The following AGPS variants were observed in gnomAD, a reference collection of about 807,000 sequenced individuals.
AGPS encodes the protein alkyldihydroxyacetonephosphate synthase, peroxisomal.
In AGPS, 26 loss-of-function variants were observed where a neutral mutation model predicts 90.7. That is an observed-to-expected ratio of 0.29 (90% CI 0.21 to 0.40). AGPS has a LOEUF of 0.40. AGPS is among the 10% of genes least tolerant of loss of function. The pLI, the probability that AGPS is intolerant of heterozygous loss-of-function variation, is 1.00. For missense variants in AGPS, 540 were observed against 816.1 expected, an observed-to-expected ratio of 0.66 and a Z score of 4.12; for synonymous variants, 294 against 285.3, an observed-to-expected ratio of 1.03 and a Z score of -0.31.
chr2:177,435,013 A>AGG (rs1686360228), intron 3 of AGPS, among the ~76,000 whole-genome samples: 1 of 146,190 alleles, frequency 6.8e-6, no homozygotes, highest in Admixed American at 6.8e-5. Context: ...ATATATATAT[A>AGG]TATATATATA....
In AGPS at chr2:177,482,082, G is replaced by A; in HGVS notation, c.1129G>A (p.Ala377Thr). The A allele has an allele frequency of 5.6e-6, 9 of 1,602,634 alleles. No individual in the cohort carries two copies. Among genetic ancestry groups the A allele is most frequent in the Non-Finnish European group, 7.7e-6 (9 of 1,172,574 alleles). ...SEGTLGVITE[A>T]TIKIRPVPEY... The stretch of plus-strand genomic sequence containing the variant: ...AGGAACTCTTGGTGTAATAACAGAA[G>A]CTACAATAAAAATCAGACCAGTCCC... The change falls in exon 11 of 20, where the codon GCT (alanine) becomes ACT (threonine). Residue 377 changes from alanine (A) to threonine (T), a missense_variant. This residue lies in a region of AGPS where 405 missense variants were observed against 692.1 expected (regional missense o/e 0.59). Coordinates refer to ENST00000264167, the MANE Select transcript of AGPS (RefSeq NM_003659.4).
At chr2:177,468,898 T>C (rs758713537) in intron 10 of AGPS, among the ~76,000 whole-genome samples, 7 of 152,100 alleles carry the variant, frequency 4.6e-5, no homozygotes, top group Non-Finnish European at 1.0e-4. Flanking sequence ...TCTTATTGTC[T>C]TGTCTTTCTG....
In AGPS at chr2:177,543,404, G is replaced by T. The variant is rs997215812; in HGVS notation, c.*5209G>T. On this transcript the variant is annotated 3_prime_UTR_variant, in exon 20 of 20. Transcript: ENST00000264167. ...ATTCTTGTCCATTTTTGCTAAGCCT[G>T]TGAAATACTTTGGCTCTGATACAAC... 1 of 152,194 alleles carries T rather than the reference G, an allele frequency of 6.6e-6. No homozygotes were observed. The highest frequency in any genetic ancestry group is 1.5e-5 in the Non-Finnish European group (1 of 68,028). 9.4% of individuals were successfully genotyped at this position (152,194 alleles called of 1,614,324 possible).
In AGPS at chr2:177,493,404, A is replaced by G. The variant is rs188669599; in HGVS notation, c.1285+205A>G. ...GTGAAAGAAGACTGCACTGGATACC[A>G]TGGGCTGCAAATGAAGGAATTGATT... On this transcript the variant is annotated intron_variant, in intron 12 of 19. Coordinates refer to ENST00000264167, the MANE Select transcript of AGPS (RefSeq NM_003659.4). 4.3e-3 allele frequency among the ~76,000 whole-genome samples: 660 copies of G among 152,350 alleles called. 1 individual carries two copies. Among genetic ancestry groups the G allele is most frequent in the Non-Finnish European group, 7.9e-3 (537 of 68,030 alleles).
At chr2:177,536,538 A>G (rs2079185925) in intron 19 of AGPS, among the ~76,000 whole-genome samples, 1 of 152,144 alleles carries the variant, frequency 6.6e-6, no homozygotes. Flanking sequence ...TGCAAGTGAA[A>G]AAACAGGCTG....
At chr2:177,484,993 C>T (rs1407779157) in intron 11 of AGPS, among the ~76,000 whole-genome samples, 1 of 152,082 alleles carries the variant, frequency 6.6e-6, no homozygotes, top group Non-Finnish European at 1.5e-5. Context: ...GTCTTGAACT[C>T]CTGGACTCAA....
At chr2:177,486,149 A>G (rs1484048096) in intron 11 of AGPS, among the ~76,000 whole-genome samples, 1 of 152,228 alleles carries the variant, frequency 6.6e-6, no homozygotes, top group Non-Finnish European at 1.5e-5. Flanking sequence ...AAAAGTCCAG[A>G]TAGATAATAT....
chr2:177,419,376 G>A (rs1205511214), intron 1 of AGPS, among the ~76,000 whole-genome samples: 2 of 151,916 alleles, frequency 1.3e-5, no homozygotes, highest in Admixed American at 6.6e-5. Flanking sequence ...AAACTGCATA[G>A]TTGAATTTGT....
At chr2:177,464,347 A>T (rs1351209119) in intron 9 of AGPS, among the ~76,000 whole-genome samples, 4 of 152,180 alleles carry the variant, frequency 2.6e-5, no homozygotes, top group African/African-American at 9.7e-5. Flanking sequence ...TCTAAAGTTG[A>T]TATTCTTTTA....
chr2:177,448,046 T>C (rs756247561), intron 8 of AGPS, among the ~76,000 whole-genome samples: 9 of 152,198 alleles, frequency 5.9e-5, no homozygotes, highest in Non-Finnish European at 1.2e-4. Flanking sequence ...TGGCTACTTT[T>C]ATTGGTTAAT....
chr2:177,484,991 C>T (rs920249685), intron 11 of AGPS, among the ~76,000 whole-genome samples: 3 of 152,130 alleles, frequency 2.0e-5, no homozygotes, highest in Non-Finnish European at 4.4e-5. Flanking sequence ...TGGTCTTGAA[C>T]TCCTGGACTC....
intron 10 of AGPS, among the ~76,000 whole-genome samples, chr2:177,478,530 C>G (rs1050814072): frequency 1.3e-5 from 2 of 152,024 alleles, no homozygotes; most frequent in Non-Finnish European, 1.5e-5. Context: ...AGGCACCATC[C>G]ATTGTTTTCT....
intron 19 of AGPS, among the ~76,000 whole-genome samples, chr2:177,524,961 T>G (rs2079069335): frequency 6.6e-6 from 1 of 152,224 alleles, no homozygotes; most frequent in Non-Finnish European, 1.5e-5. Context: ...ATTGTGTCAA[T>G]TTAATCTTTT....
Position 177,497,696 on chromosome 2 carries a change from T to C in AGPS, c.1293T>C (p.Ala431=), listed in dbSNP as rs748992631. The change falls in exon 13 of 20, where the codon GCT becomes GCC. Residue 431 remains alanine (A), a synonymous_variant. Transcript: ENST00000264167. Reference sequence around the variant, plus strand: ...ACTTTTTTCTCTTCTTAGGTCATGCTCTTAAACCTCAGGTTTCCTCTATTT... The same window carrying C: ...ACTTTTTTCTCTTCTTAGGTCATGCCCTTAAACCTCAGGTTTCCTCTATTT... The part of the protein sequence containing the change: ...MDNKQFQFGH[A]LKPQVSSIFT... 1.3e-6 allele frequency: 2 copies of C among 1,575,166 alleles called. No individual in the cohort carries two copies. The highest frequency in any genetic ancestry group is 1.7e-6 in the Non-Finnish European group (2 of 1,152,846).
intron 19 of AGPS, among the ~76,000 whole-genome samples, chr2:177,534,827 G>A (rs565225189): frequency 0.04 from 1,698 of 42,830 alleles, 21 homozygotes; most frequent in Non-Finnish European, 0.062. Context: ...TTGAACTCCT[G>A]GGCTTAAATG....
chr2:177,461,767 T>TGGA, intron 8 of AGPS, 126 bp from the exon 9 acceptor site: 1 of 665,622 alleles, frequency 1.5e-6, no homozygotes, highest in Non-Finnish European at 2.3e-6. Context: ...TTTTTTTTGC[T>TGGA]ATGTAGGAAT....
chr2:177,440,675 T>C (rs1353046329), intron 5 of AGPS, among the ~76,000 whole-genome samples: 3 of 152,172 alleles, frequency 2.0e-5, no homozygotes, highest in Non-Finnish European at 4.4e-5. Flanking sequence ...GTATCAGTGT[T>C]GATTGCTTGG....
chr2:177,467,634 T>C (rs1364225059), intron 9 of AGPS, among the ~76,000 whole-genome samples: 2 of 152,210 alleles, frequency 1.3e-5, no homozygotes, highest in African/African-American at 2.4e-5. Flanking sequence ...ATGTAAACTT[T>C]TAAGGGGTCC....
chr2:177,485,603 A>G (rs868725046), intron 11 of AGPS, among the ~76,000 whole-genome samples: 6 of 152,290 alleles, frequency 3.9e-5, no homozygotes, highest in East Asian at 3.9e-4. Context: ...CCCAATGACT[A>G]TAATCTAAAT....
Sources: allele counts gnomAD v4.1 joint callset (sites outside exome capture counted in the v4.1 genomes callset), GRCh38; gene constraint gnomAD v4.1.1; regional missense constraint gnomAD v4.1.1; transcripts MANE v1.5; gene names NCBI Gene and HGNC (gene_info 2026-07-23, HGNC 2026-07-21).